COL6A5: variants seen among roughly 807,000 people sequenced by gnomAD.
COL6A5 encodes the protein collagen alpha-5(VI) chain.
Under a neutral mutation model 65.6 loss-of-function variants are expected in COL6A5, and 48 were observed. The ratio of observed to expected loss-of-function variants is 0.73; its 90% CI spans 0.58 to 0.93. The LOEUF (loss-of-function observed/expected upper bound fraction) is 0.93. Among genes scored for constraint, COL6A5 ranks in the 40% least tolerant of loss-of-function variants. The pLI is 0.00. For missense variants in COL6A5, 914 were observed against 928.3 expected (o/e 0.98, Z 0.20); for synonymous variants, 291 against 322.8 (o/e 0.90, Z 1.05).
chr3:130,364,536 T>C (rs916964250), intron 1 of COL6A5, among the ~76,000 whole-genome samples: 11 of 152,012 alleles, frequency 7.2e-5, no homozygotes, highest in Admixed American at 2.0e-4. Context: ...GTAGACTGAG[T>C]GTTTGGGGCA....
At chr3:130,408,282 A>T (rs927147640) in intron 17 of COL6A5, among the ~76,000 whole-genome samples, 164 of 13,296 alleles carry the variant, frequency 0.012, no homozygotes, top group African/African-American at 0.042. Context: ...GGGTGGTGGC[A>T]GGGGGTGGGG....
At chr3:130,442,683 G>A (rs1709213556) in intron 3 of COL6A5, among the ~76,000 whole-genome samples, 1 of 152,170 alleles carries the variant, frequency 6.6e-6, no homozygotes, top group African/African-American at 2.4e-5. Context: ...ACATGCACAG[G>A]CAATGACCAC....
intron 1 of COL6A5, among the ~76,000 whole-genome samples, chr3:130,348,191 G>C (rs1934573521): frequency 6.6e-6 from 1 of 152,108 alleles, no homozygotes. Context: ...GTGCCATGGT[G>C]GTTTACTGCA....
chr3:130,447,320 C>A (rs1709330288), intron 4 of COL6A5, among the ~76,000 whole-genome samples: 1 of 152,120 alleles, frequency 6.6e-6, no homozygotes, highest in Non-Finnish European at 1.5e-5. Flanking sequence ...TGCCATAAAG[C>A]ATTAGCAGTT....
At chr3:130,484,496 C>T in exon 8 of COL6A5, 1 of 401,378 alleles carries the variant, frequency 2.5e-6, no homozygotes, top group Non-Finnish European at 4.4e-6. Context: ...AAAGCCATGC[C>T]CATGTCATCG....
chr3:130,438,823 T>C (rs990381803), intron 1 of COL6A5, among the ~76,000 whole-genome samples: 1 of 152,176 alleles, frequency 6.6e-6, no homozygotes, highest in Non-Finnish European at 1.5e-5. Context: ...TAAAGAGTTA[T>C]TGACTCACTG....
intron 7 of COL6A5, among the ~76,000 whole-genome samples, chr3:130,473,121 A>G (rs1161958073): frequency 6.6e-6 from 1 of 151,884 alleles, no homozygotes; most frequent in African/African-American, 2.4e-5. Flanking sequence ...TCAAAATGGA[A>G]TAAGTTCATT....
chr3:130,425,948 T>A, intron 29 of COL6A5, among the ~76,000 whole-genome samples: 1 of 152,308 alleles, frequency 6.6e-6, no homozygotes, highest in East Asian at 1.9e-4. Flanking sequence ...TACCTTTGTT[T>A]CTTCTTATCA....
upstream of COL6A5, among the ~76,000 whole-genome samples, chr3:130,427,106 C>CA (rs1307227754): frequency 1.3e-5 from 2 of 151,852 alleles, no homozygotes; most frequent in Non-Finnish European, 2.9e-5. Flanking sequence ...AAATATTAAC[C>CA]AAATATAGTT....
At chr3:130,453,918 G>A (rs1051889353) in intron 4 of COL6A5, among the ~76,000 whole-genome samples, 2 of 152,170 alleles carry the variant, frequency 1.3e-5, no homozygotes, top group African/African-American at 2.4e-5. Context: ...TTACAGGGAA[G>A]CGTCTAGCAG....
intron 7 of COL6A5, among the ~76,000 whole-genome samples, chr3:130,393,033 A>G (rs1359912693): frequency 2.0e-5 from 3 of 149,890 alleles, no homozygotes; most frequent in East Asian, 2.0e-4. Context: ...TCTTTCTTCT[A>G]CACACTGGAT....
exon 5 of COL6A5, chr3:130,385,155 C>G: frequency 6.4e-7 from 1 of 1,551,068 alleles, no homozygotes; most frequent in Non-Finnish European, 8.7e-7. Context: ...ATTGTGTTGA[C>G]TGATGGGATG....
At chr3:130,453,556 C>T (rs913002760) in intron 4 of COL6A5, among the ~76,000 whole-genome samples, 2 of 152,092 alleles carry the variant, frequency 1.3e-5, no homozygotes, top group Non-Finnish European at 2.9e-5. Context: ...TAAAAGACTC[C>T]ACAATATAAT....
At chr3:130,421,360 G>C in exon 27 of COL6A5, 5 of 1,550,640 alleles carry the variant, frequency 3.2e-6, no homozygotes, top group Non-Finnish European at 4.4e-6. Context: ...CGGGGCAGAA[G>C]GTATTGTATG....
intron 5 of COL6A5, among the ~76,000 whole-genome samples, chr3:130,467,975 T>C (rs1291875664): frequency 6.6e-6 from 1 of 152,034 alleles, no homozygotes; most frequent in East Asian, 1.9e-4. Context: ...ATCATTCATA[T>C]GATTGTAGAC....
chr3:130,458,118 C>T (rs1160395624), intron 5 of COL6A5, among the ~76,000 whole-genome samples: 3 of 152,034 alleles, frequency 2.0e-5, no homozygotes, highest in Non-Finnish European at 4.4e-5. Context: ...TATCTTCCTA[C>T]CTATACCTCT....
exon 6 of COL6A5, chr3:130,469,444 C>A: frequency 6.2e-7 from 1 of 1,612,428 alleles, no homozygotes. Context: ...GGAACTATAT[C>A]ATCAAGTTTG....
At chr3:130,472,292 T>C (rs565693545) in intron 7 of COL6A5, among the ~76,000 whole-genome samples, 1 of 152,104 alleles carries the variant, frequency 6.6e-6, no homozygotes, top group Admixed American at 6.6e-5. Flanking sequence ...ATACTCGAGA[T>C]CTGCTCTCTC....
At position 130,406,005 on chromosome 3, in the gene COL6A5, T is replaced by C. The variant is rs1213193610; in HGVS notation, c.4366T>C (p.Phe1456Leu). 3 of 1,551,356 alleles carry C rather than the reference T, an allele frequency of 1.9e-6. No homozygotes were observed. In the East Asian group the frequency reaches 7.3e-5, roughly 38 times the overall value. ...TCATCTTTTGCAGGGACTCAAAGGA[T>C]TTTCTGGACCTAAGGTACTGGAGTT... Residue 1456 changes from phenylalanine to leucine, a missense_variant and NMD_transcript_variant, in exon 15 of 42, where the codon TTT becomes CTT. Coordinates refer to the COL6A5 transcript ENST00000312481.
Sources: allele counts gnomAD v4.1 joint callset (sites outside exome capture counted in the v4.1 genomes callset), GRCh38; gene constraint gnomAD v4.1.1; transcripts MANE v1.5; gene names NCBI Gene and HGNC (gene_info 2026-07-23, HGNC 2026-07-21).